The following SLC67A1 variants were observed in gnomAD, a reference collection of about 807,000 sequenced individuals.
SLC67A1 encodes the protein solute carrier family 67 member A1.
chr11:2,925,083 G>A, the SLC67A1 span: 1,431 of 1,613,828 alleles, frequency 8.9e-4, 7 homozygotes, highest in African/African-American at 0.016. This position sits in a 1 kb window ranked among gnomAD's most constrained non-coding sequence, Gnocchi z 6.5. Flanking sequence ...GCGGCCTCCT[G>A]TACCGCAGCT....
At chr11:2,910,864 G>A in the SLC67A1 span, among the ~76,000 whole-genome samples, 1 of 152,224 alleles carries the variant, frequency 6.6e-6, no homozygotes, top group African/African-American at 2.4e-5. Context: ...TTCAGGCCCA[G>A]CCTGGGTGCC....
chr11:2,912,632 G>C, the SLC67A1 span, among the ~76,000 whole-genome samples: 3 of 152,152 alleles, frequency 2.0e-5, no homozygotes, highest in African/African-American at 7.2e-5. Context: ...CACAGGCTGC[G>C]GGGGCGGGCA....
At chr11:2,924,568 G>A in the SLC67A1 span, among the ~76,000 whole-genome samples, 4 of 152,232 alleles carry the variant, frequency 2.6e-5, no homozygotes, top group Non-Finnish European at 4.4e-5. This position sits in a 1 kb window ranked among gnomAD's most constrained non-coding sequence, Gnocchi z 8.6. Flanking sequence ...CAGCCTGGGC[G>A]GGAGGTTCCG....
At chr11:2,903,430 A>G in the SLC67A1 span, 1 of 1,613,042 alleles carries the variant, frequency 6.2e-7, no homozygotes, top group Non-Finnish European at 8.5e-7. Flanking sequence ...CATCTTGCTT[A>G]CCTACGTGCT....
chr11:2,912,058 T>A, the SLC67A1 span, among the ~76,000 whole-genome samples: 46 of 152,090 alleles, frequency 3.0e-4, no homozygotes, highest in Non-Finnish European at 6.0e-4. Context: ...ATGATGAGGC[T>A]CCCTCCATGG....
chr11:2,920,900 GAA>G, the SLC67A1 span: 2 of 152,188 alleles, frequency 1.3e-5, no homozygotes, highest in Admixed American at 1.3e-4. Flanking sequence ...CGCACTGCAC[GAA>G]GTGAGCTTGC....
chr11:2,899,755 C>CA, the SLC67A1 span: 1 of 1,436,056 alleles, frequency 7.0e-7, no homozygotes, highest in African/African-American at 1.4e-5. Flanking sequence ...TTCCTCTGCT[C>CA]AACCAGTTCC....
chr11:2,911,794 C>T, the SLC67A1 span, among the ~76,000 whole-genome samples: 1 of 152,154 alleles, frequency 6.6e-6, no homozygotes, highest in African/African-American at 2.4e-5. Flanking sequence ...GTCTACGAGG[C>T]CACAGGTCCC....
the SLC67A1 span, among the ~76,000 whole-genome samples, chr11:2,915,868 C>T: frequency 6.6e-6 from 1 of 152,224 alleles, no homozygotes; most frequent in Non-Finnish European, 1.5e-5. Context: ...CAGGTGCCTC[C>T]GTCCCCAGGA....
At chr11:2,904,717 C>G in the SLC67A1 span, among the ~76,000 whole-genome samples, 1 of 152,234 alleles carries the variant, frequency 6.6e-6, no homozygotes, top group Non-Finnish European at 1.5e-5. Context: ...ACAGCCCACT[C>G]CCTCGGAGCT....
the SLC67A1 span, among the ~76,000 whole-genome samples, chr11:2,908,725 G>C: frequency 2.0e-5 from 3 of 152,328 alleles, no homozygotes; most frequent in Admixed American, 2.0e-4. Flanking sequence ...AGACAGGGGA[G>C]CAAGGGACAC....
At chr11:2,915,475 G>C in the SLC67A1 span, among the ~76,000 whole-genome samples, 1 of 152,144 alleles carries the variant, frequency 6.6e-6, no homozygotes, top group Non-Finnish European at 1.5e-5. Flanking sequence ...AGGATCTGTT[G>C]AGGTTGGGGC....
chr11:2,918,551 G>A, the SLC67A1 span, among the ~76,000 whole-genome samples: 131 of 152,322 alleles, frequency 8.6e-4, no homozygotes, highest in East Asian at 0.022. Context: ...CAGAAGCCCC[G>A]CCTGGACTCC....
At chr11:2,919,023 C>T in the SLC67A1 span, 1 of 416,820 alleles carries the variant, frequency 2.4e-6, no homozygotes, top group Non-Finnish European at 4.5e-6. Flanking sequence ...GTCTTGGGGG[C>T]CAAATCCTCC....
the SLC67A1 span, chr11:2,915,196 C>T: frequency 1.0e-6 from 1 of 985,414 alleles, no homozygotes; most frequent in Middle Eastern, 5.2e-4. Flanking sequence ...GAGGTGGCCC[C>T]ACTGACTGTC....
At chr11:2,899,779 G>A in the SLC67A1 span, 1 of 1,403,742 alleles carries the variant, frequency 7.1e-7, no homozygotes. Context: ...GCTACCTGAG[G>A]CCCTGCTTCA....
At chr11:2,919,598 G>A in the SLC67A1 span, 3 of 582,324 alleles carry the variant, frequency 5.2e-6, no homozygotes, top group Non-Finnish European at 6.2e-6. Flanking sequence ...TGGGCACGCT[G>A]TGAGGACAGT....
the SLC67A1 span, chr11:2,899,707 C>T: frequency 1.3e-6 from 2 of 1,491,190 alleles, no homozygotes; most frequent in African/African-American, 1.4e-5. Flanking sequence ...CCCATTCACA[C>T]TGAGCCTGTT....
chr11:2,909,858 C>A, the SLC67A1 span: 2 of 891,796 alleles, frequency 2.2e-6, no homozygotes, highest in African/African-American at 1.8e-5. Flanking sequence ...CGTCTGGCCC[C>A]GCGCGAGGCC....
Sources: allele counts gnomAD v4.1 joint callset (sites outside exome capture counted in the v4.1 genomes callset), GRCh38; gene constraint gnomAD v4.1.1; non-coding constraint Gnocchi (gnomAD v3.1); transcripts MANE v1.5; gene names NCBI Gene and HGNC (gene_info 2026-07-23, HGNC 2026-07-21).